Variants in SPIRE1 observed in about 807,000 individuals in gnomAD.
The protein encoded by SPIRE1 is protein spire homolog 1.
In SPIRE1, 40 loss-of-function variants were observed where a neutral mutation model predicts 94.1. The observed-to-expected ratio is 0.43, with a 90% CI of 0.33 to 0.55. The LOEUF (loss-of-function observed/expected upper bound fraction) is 0.55. SPIRE1 is among the 20% of genes least tolerant of loss of function. SPIRE1 has a pLI of 0.06. For missense variants in SPIRE1, 838 were observed against 975.2 expected (o/e 0.86, Z 1.87); for synonymous variants, 376 against 371.7 (o/e 1.01, Z -0.13).
intron 1 of SPIRE1, among the ~76,000 whole-genome samples, chr18:12,640,953 A>G (rs1327663309): frequency 1.3e-5 from 2 of 152,176 alleles, no homozygotes; most frequent in African/African-American, 4.8e-5. Flanking sequence ...TAATGTGAAG[A>G]ACGTAGTGGA....
At chr18:12,581,036 C>T (rs895453377) in intron 2 of SPIRE1, among the ~76,000 whole-genome samples, 2 of 152,160 alleles carry the variant, frequency 1.3e-5, no homozygotes, top group African/African-American at 4.8e-5. Flanking sequence ...TTTCCTAGCA[C>T]ACTGTCTTGC....
chr18:12,496,628 G>A (rs1283940688), intron 6 of SPIRE1, among the ~76,000 whole-genome samples: 3 of 152,118 alleles, frequency 2.0e-5, no homozygotes, highest in East Asian at 1.9e-4. Context: ...CCAGCACTTC[G>A]GGAGGCCGAG....
chr18:12,494,665 TA>T lies in SPIRE1; in HGVS notation c.1059+1350del, dbSNP rs71172090. ...TAACACGGTGAAACCCCGTCTCTAC[TA>T]AAAAAAAAAAAATACAAAAAAAATT... On this transcript the variant is annotated intron_variant, in intron 7 of 16. Transcript: ENST00000409402. Among the ~76,000 whole-genome samples the T allele has an allele frequency of 3.4e-3, 468 of 137,608 alleles. 2 individuals are homozygous for T. Among genetic ancestry groups the T allele is most frequent in the East Asian group, 0.033 (156 of 4,762 alleles). The allele number at this position is 137,608 out of a possible 152,430, so 90.3% of individuals were successfully genotyped here. A position where few individuals can be genotyped will look rare whatever the true frequency, so the allele number is the denominator to read the frequency against.
chr18:12,568,142 T>TC (rs1160958054), intron 2 of SPIRE1, among the ~76,000 whole-genome samples: 4 of 152,222 alleles, frequency 2.6e-5, no homozygotes, highest in African/African-American at 9.6e-5. Flanking sequence ...TCGGGGTACT[T>TC]CAAGGATGCT....
chr18:12,643,261 C>T (rs950179191), intron 1 of SPIRE1, among the ~76,000 whole-genome samples: 1 of 152,170 alleles, frequency 6.6e-6, no homozygotes, highest in African/African-American at 2.4e-5. Flanking sequence ...AAACTTTTCC[C>T]TAGTAACAGC....
intron 12 of SPIRE1, chr18:12,459,650 A>C: frequency 1.6e-6 from 1 of 620,694 alleles, no homozygotes; most frequent in Non-Finnish European, 2.0e-6. Flanking sequence ...ATTGGAAGCA[A>C]AGTGCTATCT....
intron 3 of SPIRE1, among the ~76,000 whole-genome samples, chr18:12,538,027 G>T (rs1219971884): frequency 1.3e-5 from 2 of 151,924 alleles, no homozygotes; most frequent in African/African-American, 4.8e-5. Flanking sequence ...AATTGCAAGG[G>T]GCCCCTTGCA....
Position 12,535,466 on chromosome 18 carries a change from T to C in SPIRE1, c.729+10A>G, listed in dbSNP as rs751608172. ...ACAATGCCAATAAATATCAAAGCAG[T>C]AGTACTCACCTCTTTCGCACTCTTA... On this transcript the variant is annotated intron_variant, in intron 4 of 16. Coordinates refer to ENST00000409402, the MANE Select transcript of SPIRE1 (RefSeq NM_001128626.2). 3.1e-6 allele frequency: 5 copies of C among 1,608,398 alleles called. No individual in the cohort carries two copies. Among genetic ancestry groups the C allele is most frequent in the South Asian group, 1.1e-5 (1 of 90,666 alleles).
rs576158314 is a variant in SPIRE1 at position 12,587,730 on chromosome 18, G to A, written c.373-40826C>T. On this transcript the variant is annotated intron_variant, in intron 2 of 16. Coordinates refer to ENST00000409402, the MANE Select transcript of SPIRE1 (RefSeq NM_001128626.2). Reference sequence around the variant, plus strand: ...TTCCTACCCAGTGATTTAGGCATTAGAGAGAACAGAGCTCAATGTAAAGGA... The same window carrying A: ...TTCCTACCCAGTGATTTAGGCATTAAAGAGAACAGAGCTCAATGTAAAGGA... 4.6e-5 allele frequency among the ~76,000 whole-genome samples: 7 copies of A among 152,238 alleles called. No homozygotes were observed. The South Asian group carries it at 1.5e-3, about 32-fold the overall frequency.
intron 2 of SPIRE1, among the ~76,000 whole-genome samples, chr18:12,601,797 A>G (rs886178615): frequency 5.3e-5 from 8 of 152,068 alleles, no homozygotes; most frequent in Non-Finnish European, 8.8e-5. Context: ...CTATATCAGT[A>G]TTTTGTTCCT....
chr18:12,455,078 G>A (rs2031448405), intron 12 of SPIRE1, among the ~76,000 whole-genome samples: 1 of 152,092 alleles, frequency 6.6e-6, no homozygotes, highest in Non-Finnish European at 1.5e-5. Flanking sequence ...TGGGACTACA[G>A]GTGCATGCCA....
chr18:12,475,521 A>G (rs1342750498), intron 10 of SPIRE1, among the ~76,000 whole-genome samples: 2 of 152,204 alleles, frequency 1.3e-5, no homozygotes, highest in African/African-American at 4.8e-5. Context: ...TGGAAAAAAA[A>G]AAGAAGTTGG....
chr18:12,485,741 C>A (rs1383410990), intron 9 of SPIRE1, among the ~76,000 whole-genome samples: 1 of 152,114 alleles, frequency 6.6e-6, no homozygotes, highest in Non-Finnish European at 1.5e-5. Context: ...GATGGTTCTT[C>A]CAAAATTGCT....
chr18:12,630,954 G>A (rs1163041039), intron 2 of SPIRE1, among the ~76,000 whole-genome samples: 1 of 152,168 alleles, frequency 6.6e-6, no homozygotes, highest in African/African-American at 2.4e-5. Flanking sequence ...GGCTCTAGTA[G>A]TCAGTCCCCT....
Position 12,657,637 on chromosome 18 carries a change from T to C in SPIRE1, c.230A>G (p.Gln77Arg). 1.5e-6 allele frequency: 2 copies of C among 1,316,216 alleles called. No homozygotes were observed. Among genetic ancestry groups the C allele is most frequent in the Non-Finnish European group, 1.9e-6 (2 of 1,031,684 alleles). 81.5% of individuals were successfully genotyped at this position (1,316,216 alleles called of 1,614,324 possible). A position where few individuals can be genotyped will look rare whatever the true frequency, so the allele number is the denominator to read the frequency against. ...GSLRAAARRR[Q>R]PRHRVRSAAQ... Reference sequence around the variant, plus strand: ...GGCCGAGCGCACACGGTGGCGGGGCTGGCGGCGGCGGGCGGCGGCGCGCAG... The same window carrying C: ...GGCCGAGCGCACACGGTGGCGGGGCCGGCGGCGGCGGGCGGCGGCGCGCAG... Residue 77 changes from glutamine to arginine, a missense_variant, in exon 1 of 17, where the codon CAG (glutamine) becomes CGG (arginine). Transcript: ENST00000409402.
intron 2 of SPIRE1, among the ~76,000 whole-genome samples, chr18:12,580,968 T>C (rs974327593): frequency 1.3e-5 from 2 of 152,238 alleles, no homozygotes; most frequent in African/African-American, 4.8e-5. Flanking sequence ...TCTTTTCTTA[T>C]TGCCACATGA....
chr18:12,485,934 G>T, intron 9 of SPIRE1, 25 bp downstream of exon 9: 1 of 1,518,028 alleles, frequency 6.6e-7, no homozygotes, highest in Non-Finnish European at 8.9e-7. Context: ...CACGTCAGGT[G>T]TAAAAGTGTT....
intron 2 of SPIRE1, among the ~76,000 whole-genome samples, chr18:12,634,286 T>TAAA (rs2144814654): frequency 6.6e-6 from 1 of 150,740 alleles, no homozygotes; most frequent in East Asian, 1.9e-4. Flanking sequence ...ATAATAATAA[T>TAAA]AAACCTACTT....
intron 12 of SPIRE1, among the ~76,000 whole-genome samples, chr18:12,456,383 T>C (rs1227166464): frequency 1.3e-5 from 2 of 152,236 alleles, no homozygotes; most frequent in Admixed American, 6.5e-5. Flanking sequence ...ATCCGAATGA[T>C]GGCATTTCTC....
Sources: gnomAD v4.1 joint callset for allele counts (sites outside exome capture counted in the v4.1 genomes callset) on GRCh38, gnomAD v4.1.1 for gene constraint, MANE v1.5 for transcripts, NCBI Gene and HGNC (gene_info 2026-07-23, HGNC 2026-07-21) for gene names.